Variants in JMJD1C observed in about 807,000 individuals in gnomAD.
JMJD1C encodes jumonji domain-containing protein 1C.
Under a neutral mutation model 245.3 loss-of-function variants are expected in JMJD1C, and 31 were observed. The ratio of observed to expected loss-of-function variants is 0.13; its 90% CI spans 0.09 to 0.17. The LOEUF is 0.17. Among genes scored for constraint, JMJD1C ranks in the 10% least tolerant of loss-of-function variants. The pLI is 1.00. For synonymous variants in JMJD1C, 1,057 were observed against 1,017.4 expected, an observed-to-expected ratio of 1.04 and a Z score of -0.74; for missense variants, 2,691 against 3,000.2, an observed-to-expected ratio of 0.90 and a Z score of 2.41.
In JMJD1C at chr10:63,214,237, C is replaced by T. The variant is rs543852970; in HGVS notation, c.1930G>A (p.Val644Ile). Residue 644 changes from valine to isoleucine, a missense_variant, in exon 8 of 26, where the codon GTT becomes ATT. Val to Ile is a conservative substitution (Grantham distance 29). Transcript: ENST00000399262. ...GAATGAGTTATTTTGGGTTTAACAACTTCAGGTGATGGGCTGGATTTTATC... is the reference window on the plus strand; with the variant it reads ...GAATGAGTTATTTTGGGTTTAACAATTTCAGGTGATGGGCTGGATTTTATC... ...HKIKSSPSPE[V>I]VKPKITHSPD... 1.4e-5 allele frequency: 22 copies of T among 1,613,984 alleles called. No individual in the cohort carries two copies. In the South Asian group the frequency reaches 1.8e-4, roughly 13 times the overall value.
intron 3 of JMJD1C, among the ~76,000 whole-genome samples, chr10:63,227,039 G>T (rs974478974): frequency 4.6e-5 from 7 of 152,194 alleles, no homozygotes; most frequent in African/African-American, 1.7e-4. Flanking sequence ...CTGCACTCCA[G>T]TCTGGGTGGC....
intron 1 of JMJD1C, among the ~76,000 whole-genome samples, chr10:63,412,264 T>G (rs543145092): frequency 8.5e-5 from 13 of 152,062 alleles, no homozygotes; most frequent in Non-Finnish European, 1.6e-4. Flanking sequence ...GTATGTCTAT[T>G]ATATACTGTA....
chr10:63,266,003 A>C (rs1172104410), intron 2 of JMJD1C, among the ~76,000 whole-genome samples: 2 of 152,090 alleles, frequency 1.3e-5, no homozygotes, highest in African/African-American at 4.8e-5. Flanking sequence ...TATATTTAAG[A>C]AATTCCTAAG....
intron 2 of JMJD1C, among the ~76,000 whole-genome samples, chr10:63,377,543 G>T (rs1304052708): frequency 6.6e-6 from 1 of 152,016 alleles, no homozygotes; most frequent in Non-Finnish European, 1.5e-5. Flanking sequence ...GACCTGCCTG[G>T]CCAATATGTT....
At chr10:63,203,961 T>G in intron 10 of JMJD1C, 1 of 982,908 alleles carries the variant, frequency 1.0e-6, no homozygotes, top group Non-Finnish European at 1.2e-6. Flanking sequence ...TATTTAGAAG[T>G]TCCCTGACTT....
intron 3 of JMJD1C, among the ~76,000 whole-genome samples, chr10:63,228,349 A>G (rs1849556564): frequency 6.6e-6 from 1 of 152,066 alleles, no homozygotes; most frequent in Non-Finnish European, 1.5e-5. Flanking sequence ...GTTTTTTTCA[A>G]CTGTTTAAAA....
At chr10:63,477,303 A>C (rs2133172710) in intron 1 of JMJD1C, among the ~76,000 whole-genome samples, 1 of 152,262 alleles carries the variant, frequency 6.6e-6, no homozygotes, top group South Asian at 2.1e-4. Flanking sequence ...GAATGAAAAA[A>C]TTGGAAGACT....
chr10:63,370,737 T>C (rs1946247998), intron 2 of JMJD1C, among the ~76,000 whole-genome samples: 1 of 152,246 alleles, frequency 6.6e-6, no homozygotes, highest in Non-Finnish European at 1.5e-5. Flanking sequence ...GACAGTTTTT[T>C]AAATGCTGCA....
chr10:63,268,984 GCT>G, intron 2 of JMJD1C: 1 of 985,480 alleles, frequency 1.0e-6, no homozygotes, highest in Non-Finnish European at 1.2e-6. Context: ...ATTACAACTC[GCT>G]CTTTGTCATC....
Position 63,441,699 on chromosome 10 carries a change from G to A in JMJD1C, c.168+23796C>T, listed in dbSNP as rs550360798. Among the ~76,000 whole-genome samples, 15 of 152,102 alleles carry A rather than the reference G, an allele frequency of 9.9e-5. No individual in the cohort carries two copies. In the South Asian group the frequency reaches 2.7e-3, roughly 27 times the overall value. ...ATCATAATCAGCTGCTGACTTAAAG[G>A]GTTAACTCCAACATATGGTGGGAGT... is the stretch of plus-strand genomic sequence containing the variant. On this transcript the variant is annotated intron_variant, in intron 1 of 25. Coordinates refer to ENST00000399262, the MANE Select transcript of JMJD1C (RefSeq NM_032776.3).
chr10:63,415,023 G>A (rs1266513960), intron 1 of JMJD1C, among the ~76,000 whole-genome samples: 1 of 151,390 alleles, frequency 6.6e-6, no homozygotes, highest in Non-Finnish European at 1.5e-5. Flanking sequence ...GAATTTAAGT[G>A]CATTTTTGCT....
intron 3 of JMJD1C, among the ~76,000 whole-genome samples, chr10:63,225,701 C>A (rs1849184748): frequency 6.6e-6 from 1 of 151,788 alleles, no homozygotes; most frequent in Non-Finnish European, 1.5e-5. Context: ...ATCACTTGAA[C>A]CCGGGAGGTA....
intron 2 of JMJD1C, among the ~76,000 whole-genome samples, chr10:63,362,533 G>A (rs1325323630): frequency 6.6e-6 from 1 of 151,946 alleles, no homozygotes; most frequent in Non-Finnish European, 1.5e-5. Flanking sequence ...AAGCTGGGGT[G>A]CAGTGGCACA....
At chr10:63,200,750 A>G in intron 10 of JMJD1C, 73 bp from the exon 11 acceptor site, 4 of 1,288,144 alleles carry the variant, frequency 3.1e-6, no homozygotes, top group Non-Finnish European at 4.4e-6. Flanking sequence ...ATGAAATTCA[A>G]GTCAGTTATA....
At chr10:63,186,470 GCT>G (rs1414773078) in intron 18 of JMJD1C, 87 bp from the exon 19 acceptor site, 3 of 1,122,762 alleles carry the variant, frequency 2.7e-6, no homozygotes, top group Non-Finnish European at 3.7e-6. Flanking sequence ...ACAGAGTCTT[GCT>G]CTCTTACCCA....
chr10:63,239,829 A>G (rs1199786151), intron 3 of JMJD1C, among the ~76,000 whole-genome samples: 1 of 152,202 alleles, frequency 6.6e-6, no homozygotes, highest in Non-Finnish European at 1.5e-5. Flanking sequence ...AGAAAAACGA[A>G]ATCAAGGTCT....
chr10:63,398,775 C>G (rs1161270545), intron 1 of JMJD1C, among the ~76,000 whole-genome samples: 1 of 152,044 alleles, frequency 6.6e-6, no homozygotes, highest in Non-Finnish European at 1.5e-5. Context: ...ACCTGAGTAA[C>G]CTGGGATTAC....
intron 2 of JMJD1C, among the ~76,000 whole-genome samples, chr10:63,273,335 G>C (rs1244887204): frequency 6.6e-6 from 1 of 152,152 alleles, no homozygotes; most frequent in Non-Finnish European, 1.5e-5. Context: ...GGGACTACAA[G>C]TAAGTGCCAC....
rs947151257 is a variant in JMJD1C, at chr10:63,396,799, CA to C, written c.169-16318del. 4.0e-3 allele frequency among the ~76,000 whole-genome samples: 551 copies of C among 137,984 alleles called. 2 individuals carry two copies. Among genetic ancestry groups the C allele is most frequent in the Non-Finnish European group, 3.8e-3 (242 of 63,474 alleles). The allele number at this position is 137,984 out of a possible 152,430, so 90.5% of individuals were successfully genotyped here. A position where few individuals can be genotyped will look rare whatever the true frequency, so the allele number is the denominator to read the frequency against. On this transcript the variant is annotated intron_variant, in intron 1 of 25. Transcript: ENST00000399262. The stretch of plus-strand genomic sequence containing the variant: ...TTGTGATATACTTCCTTAGATTCAG[CA>C]AAAAAAAAAAGTATAAAATTTAAAA...
Sources: gnomAD v4.1 joint callset for allele counts (sites outside exome capture counted in the v4.1 genomes callset) on GRCh38, gnomAD v4.1.1 for gene constraint, MANE v1.5 for transcripts, NCBI Gene and HGNC (gene_info 2026-07-23, HGNC 2026-07-21) for gene names.